DCP2: variants seen among roughly 807,000 people sequenced by gnomAD.
DCP2 encodes decapping mRNA 2.
DCP2 carries 30 observed loss-of-function variants against 56.1 expected under a neutral mutation model. The ratio of observed to expected loss-of-function variants is 0.53; its 90% CI spans 0.40 to 0.73. The LOEUF is 0.73. Ranked by LOEUF, DCP2 falls within the 30% of genes least tolerant of loss-of-function variation. DCP2 has a pLI of 0.00. For synonymous variants in DCP2, 197 were observed against 163.3 expected (o/e 1.21, Z -1.57); for missense variants, 533 against 502.7 (o/e 1.06, Z -0.58).
chr5:113,013,682 T>G lies in DCP2; in HGVS notation c.*198T>G, dbSNP rs4705749. ...ATGCAGTTATAACCTTTTATACAGATTTACCTTTTCAGTGTTCAGTACAAG... is the reference window on the plus strand; with the variant it reads ...ATGCAGTTATAACCTTTTATACAGAGTTACCTTTTCAGTGTTCAGTACAAG... On this transcript the variant is annotated 3_prime_UTR_variant, in exon 11 of 11. Coordinates refer to ENST00000389063, the MANE Select transcript of DCP2 (RefSeq NM_152624.6). The G allele has an allele frequency of 1.3e-5, 7 of 535,968 alleles. No individual in the cohort carries two copies. The East Asian group carries it at 1.5e-4, about 12-fold the overall frequency. The allele number at this position is 535,968 out of a possible 1,614,324, so 33.2% of individuals were successfully genotyped here.
intron 1 of DCP2, among the ~76,000 whole-genome samples, chr5:112,978,203 C>T (rs763087771): frequency 3.9e-5 from 6 of 152,196 alleles, no homozygotes; most frequent in Non-Finnish European, 8.8e-5. Flanking sequence ...TCTCGAACTT[C>T]TGACCTCGTG....
At chr5:113,010,709 A>G (rs2150191998) in intron 9 of DCP2, 47 bp from the exon 10 acceptor site, 1 of 1,441,080 alleles carries the variant, frequency 6.9e-7, no homozygotes, top group South Asian at 1.5e-5. Flanking sequence ...ATAACTGGTG[A>G]CTGTGTTGTA....
intron 6 of DCP2, 29 bp from the exon 7 acceptor site, chr5:113,001,538 T>TTGAAAG (rs1561698661): frequency 1.2e-6 from 2 of 1,611,442 alleles, no homozygotes; most frequent in East Asian, 2.2e-5. Context: ...TAGCCATATT[T>TTGAAAG]TGAAAGTGAA....
Position 113,013,727 on chromosome 5 carries a change from G to C in DCP2, c.*243G>C, listed in dbSNP as rs886371533. 2.5e-6 allele frequency: 1 copy of C among 403,262 alleles called. No individual in the cohort carries two copies. The highest frequency in any genetic ancestry group is 4.4e-6 in the Non-Finnish European group (1 of 227,686). The allele number at this position is 403,262 out of a possible 1,614,324, so 25.0% of individuals were successfully genotyped here. On this transcript the variant is annotated 3_prime_UTR_variant, in exon 11 of 11. Transcript: ENST00000389063. Reference sequence around the variant, plus strand: ...TACAAGTTTAAGTTGCTTTCTTTGAGGGCATTTATTCTGTGTGACTGTGGG... The same window carrying C: ...TACAAGTTTAAGTTGCTTTCTTTGACGGCATTTATTCTGTGTGACTGTGGG...
At chr5:112,998,027 G>C (rs1336111377) in intron 4 of DCP2, among the ~76,000 whole-genome samples, 1 of 152,202 alleles carries the variant, frequency 6.6e-6, no homozygotes, top group Non-Finnish European at 1.5e-5. Flanking sequence ...TACAGCAATA[G>C]ATTTGATTCA....
intron 4 of DCP2, among the ~76,000 whole-genome samples, chr5:112,994,749 GCATA>G (rs1748771987): frequency 6.6e-6 from 1 of 152,212 alleles, no homozygotes; most frequent in Admixed American, 6.5e-5. Flanking sequence ...TTTTGTTCTA[GCATA>G]CATTTTGTTA....
chr5:112,977,179 CAAG>C (rs1747751106), intron 1 of DCP2, among the ~76,000 whole-genome samples, 193 bp downstream of exon 1: 1 of 152,132 alleles, frequency 6.6e-6, no homozygotes, highest in Non-Finnish European at 1.5e-5. Flanking sequence ...CCCTGTTTCT[CAAG>C]GCCCTCCGTC....
intron 4 of DCP2, among the ~76,000 whole-genome samples, chr5:112,993,918 C>T (rs530607430): frequency 2.7e-4 from 40 of 150,728 alleles, no homozygotes; most frequent in African/African-American, 9.7e-4. Context: ...TGTAGGATCT[C>T]GCTTTGTTGT....
chr5:112,986,020 T>C, intron 2 of DCP2, 34 bp downstream of exon 2: 1 of 1,482,136 alleles, frequency 6.7e-7, no homozygotes, highest in East Asian at 2.3e-5. Flanking sequence ...ACTGACTTTC[T>C]TGTTAGCAAT....
At position 113,000,079 on chromosome 5, in the gene DCP2, AAAAG is replaced by A. The variant is rs1295308554; in HGVS notation, c.433-1002_433-999del. 9.3e-5 allele frequency among the ~76,000 whole-genome samples: 14 copies of A among 151,192 alleles called. No individual in the cohort carries two copies. In the East Asian group the frequency reaches 9.7e-4, roughly 10 times the overall value. ...TCCATCTCAAAAAAAAAAAAAAAAAAAAAGAAGAAGAAAAACAGGGGTATACCAC... is the reference window on the plus strand; with the variant it reads ...TCCATCTCAAAAAAAAAAAAAAAAAAAAGAAGAAAAACAGGGGTATACCAC... On this transcript the variant is annotated intron_variant, in intron 4 of 10. Coordinates refer to ENST00000389063, the MANE Select transcript of DCP2 (RefSeq NM_152624.6).
At chr5:113,001,022 T>C in intron 4 of DCP2, 62 bp from the exon 5 acceptor site, 2 of 1,471,458 alleles carry the variant, frequency 1.4e-6, no homozygotes, top group South Asian at 2.7e-5. Context: ...TGGGAATAAA[T>C]TTTAATGAAC....
chr5:112,984,703 A>AAAAAAATATATATATATAT, intron 1 of DCP2: 3 of 64,858 alleles, frequency 4.6e-5, no homozygotes, highest in Admixed American at 3.4e-4. Context: ...AAAAAAAAAA[A>AAAAAAATATATATATATAT]ATATATATAT....
chr5:112,999,517 G>A (rs912461612), intron 4 of DCP2, among the ~76,000 whole-genome samples: 3 of 151,816 alleles, frequency 2.0e-5, no homozygotes, highest in African/African-American at 7.3e-5. Context: ...TAGTAGAGAC[G>A]GAGTTTCTCC....
At chr5:112,992,327 T>C (rs1748632440) in intron 3 of DCP2, 79 bp downstream of exon 3, 3 of 1,517,732 alleles carry the variant, frequency 2.0e-6, no homozygotes, top group Non-Finnish European at 2.6e-6. Flanking sequence ...GATGTAGTGT[T>C]TCTAAATTGA....
chr5:113,020,296 A>G lies in DCP2; in HGVS notation c.*6812A>G, dbSNP rs1257444356. On this transcript the variant is annotated 3_prime_UTR_variant, in exon 11 of 11. Transcript: ENST00000389063. ...TTTTTATCTTATGTGAAATGATTCA[A>G]CCTTTAATTTTTGCCTAGATTATAG... 1 of 152,190 alleles carries G rather than the reference A, an allele frequency of 6.6e-6. No individual in the cohort carries two copies. Among genetic ancestry groups the G allele is most frequent in the Non-Finnish European group, 1.5e-5 (1 of 68,024 alleles). 9.4% of individuals were successfully genotyped at this position (152,190 alleles called of 1,614,324 possible).
intron 1 of DCP2, among the ~76,000 whole-genome samples, chr5:112,977,217 T>A (rs1237615059): frequency 6.6e-6 from 1 of 152,032 alleles, no homozygotes; most frequent in African/African-American, 2.4e-5. Flanking sequence ...ACCCGGAATT[T>A]CCTCATTTTT....
intron 2 of DCP2, among the ~76,000 whole-genome samples, chr5:112,987,565 G>A (rs1748352922): frequency 6.7e-6 from 1 of 148,844 alleles, no homozygotes; most frequent in Non-Finnish European, 1.5e-5. Flanking sequence ...TGATTTTCAT[G>A]CCTCAGCCTC....
chr5:112,978,139 G>C (rs1426055128), intron 1 of DCP2, among the ~76,000 whole-genome samples: 2 of 152,048 alleles, frequency 1.3e-5, no homozygotes, highest in Admixed American at 6.6e-5. Context: ...ACCACACCCG[G>C]CTAATTTTTG....
At position 113,021,208 on chromosome 5, in the gene DCP2, A is replaced by C. The variant is rs1750107986; in HGVS notation, c.*7724A>C. 6.6e-6 allele frequency among the ~76,000 whole-genome samples: 1 copy of C among 151,944 alleles called. No individual in the cohort carries two copies. Among genetic ancestry groups the C allele is most frequent in the Non-Finnish European group, 1.5e-5 (1 of 68,002 alleles). On this transcript the variant is annotated 3_prime_UTR_variant, in exon 11 of 11. Coordinates refer to ENST00000389063, the MANE Select transcript of DCP2 (RefSeq NM_152624.6). ...GCCTGACCAACATGGTGAAACTAAA[A>C]ATTCAAAAATTAGCTGGGCGTGGTG...
Sources: gnomAD v4.1 joint callset for allele counts (sites outside exome capture counted in the v4.1 genomes callset) on GRCh38, gnomAD v4.1.1 for gene constraint, MANE v1.5 for transcripts, NCBI Gene and HGNC (gene_info 2026-07-23, HGNC 2026-07-21) for gene names.